The following VPS13C variants were observed in gnomAD, a reference collection of about 807,000 sequenced individuals.
VPS13C encodes the protein intermembrane lipid transfer protein VPS13C.
Under a neutral mutation model 456.8 loss-of-function variants are expected in VPS13C, and 358 were observed. That is an observed-to-expected ratio of 0.78 (90% CI 0.72 to 0.86). VPS13C has a LOEUF of 0.86. VPS13C is among the 40% of genes least tolerant of loss of function. The pLI is 0.00. For missense variants in VPS13C, 4,818 were observed against 4,385.4 expected (o/e 1.10, Z -2.79); for synonymous variants, 1,578 against 1,486.7 (o/e 1.06, Z -1.41).
intron 3 of VPS13C, 80 bp downstream of exon 3, chr15:62,041,244 A>AT: frequency 1.2e-5 from 17 of 1,473,658 alleles, no homozygotes; most frequent in East Asian, 4.6e-5. Context: ...TTAATCAAAG[A>AT]TTTTTTTAGG....
chr15:61,936,742 G>A lies in VPS13C; in HGVS notation c.5610C>T (p.Leu1870=). The A allele has an allele frequency of 6.2e-7, 1 of 1,608,796 alleles. No homozygotes were observed. Among genetic ancestry groups the A allele is most frequent in the Non-Finnish European group, 8.5e-7 (1 of 1,178,264 alleles). Residue 1870 remains leucine (L), a synonymous_variant, in exon 48 of 85, where the codon CTC becomes CTT. Coordinates refer to ENST00000644861, the MANE Select transcript of VPS13C (RefSeq NM_020821.3). Reference sequence around the variant, plus strand: ...TTAAAACTGTCAAGTCATCTTCACTGAGAGCAACCTAGAAACCACCAATAA... The same window carrying A: ...TTAAAACTGTCAAGTCATCTTCACTAAGAGCAACCTAGAAACCACCAATAA... ...KGKLKPMQVA[L]SEDDLTVLMK... is the part of the protein sequence containing the mutation.
intron 32 of VPS13C, 51 bp from the exon 33 acceptor site, chr15:61,962,903 G>A: frequency 7.9e-7 from 1 of 1,270,394 alleles, no homozygotes; most frequent in Non-Finnish European, 1.1e-6. Flanking sequence ...CCATAAATAA[G>A]ATCTTTCTTT....
intron 16 of VPS13C, among the ~76,000 whole-genome samples, chr15:61,994,594 CTT>C (rs61199977): frequency 2.1e-5 from 3 of 145,290 alleles, no homozygotes; most frequent in Admixed American, 6.9e-5. Flanking sequence ...ATTCAGCTAT[CTT>C]TTTTTTTTTT....
intron 1 of VPS13C, 121 bp from the exon 2 acceptor site, chr15:62,044,376 G>C (rs978455889): frequency 2.8e-5 from 16 of 572,414 alleles, no homozygotes; most frequent in Non-Finnish European, 4.1e-5. Flanking sequence ...GATAAACAAA[G>C]GTGACTTAAG....
Position 61,949,952 on chromosome 15 carries a change from G to A in VPS13C, c.4597-347C>T, listed in dbSNP as rs146709146. Among the ~76,000 whole-genome samples the A allele has an allele frequency of 1.6e-3, 245 of 152,292 alleles. 1 individual carries two copies. The highest frequency in any genetic ancestry group is 5.5e-3 in the African/African-American group (230 of 41,584). On this transcript the variant is annotated intron_variant, in intron 41 of 84. Coordinates refer to ENST00000644861, the MANE Select transcript of VPS13C (RefSeq NM_020821.3). ...CTGTACCAGGTCCAGTACAGGTAAT[G>A]CTTGTATGTAATGTCTGTACCAGGC... is the stretch of plus-strand genomic sequence containing the variant.
chr15:62,003,561 A>G lies in VPS13C; in HGVS notation c.1291-2935T>C, dbSNP rs942330223. ...GCCAGAACTTCCAACACTATGTGGAATAGGAGTGGTGAGAGAGGGCATCCC... is the reference window on the plus strand; with the variant it reads ...GCCAGAACTTCCAACACTATGTGGAGTAGGAGTGGTGAGAGAGGGCATCCC... On this transcript the variant is annotated intron_variant, in intron 15 of 84. Transcript: ENST00000644861. Among the ~76,000 whole-genome samples the G allele has an allele frequency of 7.3e-3, 1,116 of 152,178 alleles. 10 individuals carry two copies. Among genetic ancestry groups the G allele is most frequent in the African/African-American group, 0.026 (1,060 of 41,482 alleles).
chr15:61,872,182 CA>C (rs1253698098), intron 78 of VPS13C, 148 bp from the exon 79 acceptor site: 17 of 572,148 alleles, frequency 3.0e-5, no homozygotes, highest in Non-Finnish European at 5.2e-5. Context: ...ACAACATACA[CA>C]TATAAGTTAG....
At chr15:62,005,511 A>G (rs1378425576) in intron 15 of VPS13C, among the ~76,000 whole-genome samples, 25 of 150,194 alleles carry the variant, frequency 1.7e-4, no homozygotes, top group South Asian at 4.2e-4. Flanking sequence ...CATTTAGTCC[A>G]TTTACATTTA....
chr15:61,995,978 C>A (rs1453035751), intron 16 of VPS13C, among the ~76,000 whole-genome samples: 4 of 152,170 alleles, frequency 2.6e-5, no homozygotes, highest in Non-Finnish European at 5.9e-5. Context: ...AGCACAGTTG[C>A]ACAGGCAGCT....
intron 16 of VPS13C, among the ~76,000 whole-genome samples, chr15:61,999,599 G>C (rs1013719604): frequency 6.6e-6 from 1 of 152,140 alleles, no homozygotes; most frequent in African/African-American, 2.4e-5. Flanking sequence ...TAGTTTCTGA[G>C]ATGAGTGTTT....
chr15:61,865,179 A>G, intron 81 of VPS13C: 1 of 984,944 alleles, frequency 1.0e-6, no homozygotes, highest in Non-Finnish European at 1.2e-6. Context: ...GGAATTTAAC[A>G]ATACTTTGCA....
intron 66 of VPS13C, among the ~76,000 whole-genome samples, chr15:61,899,639 G>A: frequency 1.3e-5 from 2 of 148,992 alleles, no homozygotes; most frequent in Non-Finnish European, 3.0e-5. Context: ...CAACCAAAAA[G>A]AGTCCAGGAC....
Position 61,929,714 on chromosome 15 carries a change from T to G in VPS13C, c.6073A>C (p.Ser2025Arg), listed in dbSNP as rs748140121. 1.2e-6 allele frequency: 2 copies of G among 1,613,228 alleles called. No individual in the cohort carries two copies. The highest frequency in any genetic ancestry group is 2.2e-5 in the South Asian group (2 of 90,928). The change falls in exon 51 of 85, where the codon AGT becomes CGT. Residue 2025 changes from serine to arginine, a missense_variant. Ser to Arg is a moderately radical substitution (Grantham distance 110). This residue lies in a region of VPS13C where 4,552 missense variants were observed against 4,130.6 expected (regional missense o/e 1.10). Coordinates refer to ENST00000644861, the MANE Select transcript of VPS13C (RefSeq NM_020821.3). ...IDRKNDQDNNSSMIDISYKQD... is the reference protein window; with the variant it reads ...IDRKNDQDNNRSMIDISYKQD... Reference sequence around the variant, plus strand: ...TTGTAACTTATATCAATCATAGAACTGTTGTTATCTTGGTCATTCTTTCTG... The same window carrying G: ...TTGTAACTTATATCAATCATAGAACGGTTGTTATCTTGGTCATTCTTTCTG...
intron 53 of VPS13C, among the ~76,000 whole-genome samples, chr15:61,924,547 A>ATTT (rs1382816915): frequency 8.5e-5 from 13 of 152,232 alleles, no homozygotes; most frequent in Admixed American, 2.6e-4. Flanking sequence ...TACACAAAGA[A>ATTT]TGTAAAGTCT....
intron 83 of VPS13C, among the ~76,000 whole-genome samples, chr15:61,855,779 T>C (rs1271605983): frequency 1.3e-5 from 2 of 152,056 alleles, no homozygotes; most frequent in East Asian, 3.8e-4. Flanking sequence ...GTAACAAACA[T>C]ATTTCAAAGA....
chr15:61,938,968 A>T lies in VPS13C; in HGVS notation c.5601+1679T>A, dbSNP rs151007393. Among the ~76,000 whole-genome samples the T allele has an allele frequency of 1.9e-3, 284 of 152,342 alleles. 2 individuals are homozygous for T. Among genetic ancestry groups the T allele is most frequent in the African/African-American group, 6.4e-3 (268 of 41,578 alleles). ...CCTGTTGAAAATCTGAAATAATATA[A>T]AACTGATAGAACTGTACTATCATTT... On this transcript the variant is annotated intron_variant, in intron 47 of 84. Transcript: ENST00000644861.
intron 3 of VPS13C, among the ~76,000 whole-genome samples, chr15:62,037,356 A>ATAT (rs2048080708): frequency 1.1e-5 from 1 of 88,226 alleles, no homozygotes. Context: ...TATTATATAT[A>ATAT]AATGTATATA....
chr15:62,024,638 A>C (rs1032626229), intron 6 of VPS13C, among the ~76,000 whole-genome samples: 3 of 152,030 alleles, frequency 2.0e-5, no homozygotes, highest in Non-Finnish European at 4.4e-5. Flanking sequence ...TAAAATACTA[A>C]TCACATCCTG....
Position 61,866,688 on chromosome 15 carries a change from G to A in VPS13C, c.10863+1971C>T, listed in dbSNP as rs1894620242. The A allele has an allele frequency of 4.1e-6, 4 of 985,130 alleles. No homozygotes were observed. In the African/African-American group the frequency reaches 5.2e-5, roughly 13 times the overall value. The allele number at this position is 985,130 out of a possible 1,614,324, so 61.0% of individuals were successfully genotyped here. A position where few individuals can be genotyped will look rare whatever the true frequency, so the allele number is the denominator to read the frequency against. ...GCTACTTTTAACAGTTACATGTTTT[G>A]TTATACTTGGTCCCTTAAGGACAGA... On this transcript the variant is annotated intron_variant, in intron 81 of 84. Transcript: ENST00000644861.
Sources: gnomAD v4.1 joint callset for allele counts (sites outside exome capture counted in the v4.1 genomes callset) on GRCh38, gnomAD v4.1.1 for gene constraint, gnomAD v4.1.1 regional missense constraint, MANE v1.5 for transcripts, NCBI Gene and HGNC (gene_info 2026-07-23, HGNC 2026-07-21) for gene names.